Variants in DGLUCY observed in about 807,000 individuals in gnomAD.
DGLUCY encodes the protein D-glutamate cyclase, mitochondrial.
Under a neutral mutation model 58.5 loss-of-function variants are expected in DGLUCY, and 58 were observed. The ratio of observed to expected loss-of-function variants is 0.99; its 90% confidence interval spans 0.80 to 1.23. The LOEUF (loss-of-function observed/expected upper bound fraction) is 1.23, where lower values mean the gene tolerates loss of function less well. DGLUCY is among the 50% of genes most tolerant of loss of function. The probability of loss-of-function intolerance (pLI) is 0.00; values close to 1 mark genes in which losing one functional copy is unlikely to be tolerated. For synonymous variants in DGLUCY, 325 were observed against 314.1 expected (o/e 1.03, Z -0.37); for missense variants, 779 against 784.7 (o/e 0.99, Z 0.09).
At chr14:91,091,704 G>T (rs953316638) in intron 1 of DGLUCY, among the ~76,000 whole-genome samples, 6 of 152,072 alleles carry the variant, frequency 3.9e-5, no homozygotes, top group African/African-American at 7.2e-5. Context: ...GGTATAGAGG[G>T]CAAAGACGCC....
At chr14:91,128,847 G>C (rs931963858) in intron 1 of DGLUCY, 1 of 152,010 alleles carries the variant, frequency 6.6e-6, no homozygotes, top group Non-Finnish European at 1.5e-5. Context: ...AATAACCACC[G>C]AGGCCAGATG....
At chr14:91,184,097 G>A (rs1235960704) in intron 8 of DGLUCY, among the ~76,000 whole-genome samples, 1 of 152,070 alleles carries the variant, frequency 6.6e-6, no homozygotes, top group African/African-American at 2.4e-5. Flanking sequence ...TCCGTGGAGA[G>A]CTGAGGGGTG....
intron 1 of DGLUCY, among the ~76,000 whole-genome samples, chr14:91,067,957 G>T (rs1158602782): frequency 6.6e-6 from 1 of 152,118 alleles, no homozygotes; most frequent in Non-Finnish European, 1.5e-5. Flanking sequence ...ACACAGTTAG[G>T]GGGTGGTGTG....
chr14:91,215,206 T>C (rs1218246127), intron 12 of DGLUCY, among the ~76,000 whole-genome samples, 199 bp from the exon 13 acceptor site: 1 of 152,166 alleles, frequency 6.6e-6, no homozygotes, highest in Non-Finnish European at 1.5e-5. Context: ...CTTGTTCCTT[T>C]CCTCTCCTCT....
intron 1 of DGLUCY, among the ~76,000 whole-genome samples, chr14:91,136,455 G>C (rs2140229333): frequency 6.6e-6 from 1 of 152,158 alleles, no homozygotes; most frequent in African/African-American, 2.4e-5. Flanking sequence ...GGCCAAGGCA[G>C]GCAGATCACT....
chr14:91,201,690 C>G (rs2050572280), intron 11 of DGLUCY, among the ~76,000 whole-genome samples: 2 of 152,068 alleles, frequency 1.3e-5, no homozygotes, highest in African/African-American at 4.8e-5. Flanking sequence ...GCTATCTTCC[C>G]ACCTCAGCCT....
At chr14:91,199,693 T>C (rs2050434175) in intron 10 of DGLUCY, 64 bp from the exon 11 acceptor site, 1 of 1,568,840 alleles carries the variant, frequency 6.4e-7, no homozygotes, top group South Asian at 1.1e-5. Context: ...CAAGAAGGCA[T>C]GACCCAGCAA....
At position 91,181,400 on chromosome 14, in the gene DGLUCY, A is replaced by G; in HGVS notation, c.934+11A>G. ...TCGGCATAGACCCAGGTAAGAAACA[A>G]CACATTTGCTCGGCATAGACCCAGG... On this transcript the variant is annotated intron_variant, in intron 8 of 13. Transcript: ENST00000256324. 6.2e-7 allele frequency: 1 copy of G among 1,610,232 alleles called. No individual in the cohort carries two copies. Among genetic ancestry groups the G allele is most frequent in the Non-Finnish European group, 8.5e-7 (1 of 1,178,216 alleles).
intron 1 of DGLUCY, among the ~76,000 whole-genome samples, chr14:91,133,124 G>A (rs1390530600): frequency 1.3e-5 from 2 of 151,802 alleles, no homozygotes; most frequent in Admixed American, 6.6e-5. Context: ...TGAAACCCCT[G>A]TCTCTACTAA....
chr14:91,141,365 G>A (rs371054803), intron 1 of DGLUCY, among the ~76,000 whole-genome samples: 17 of 148,616 alleles, frequency 1.1e-4, no homozygotes, highest in East Asian at 7.9e-4. Context: ...AAAGCGAGAC[G>A]CCATCTAAAA....
At chr14:91,079,563 G>A (rs999480148) in intron 1 of DGLUCY, among the ~76,000 whole-genome samples, 3 of 151,762 alleles carry the variant, frequency 2.0e-5, no homozygotes, top group Admixed American at 1.3e-4. Flanking sequence ...CATATGGGCC[G>A]GGCTGGTCAC....
At chr14:91,094,870 G>A (rs1355334869) in intron 1 of DGLUCY, among the ~76,000 whole-genome samples, 1 of 151,856 alleles carries the variant, frequency 6.6e-6, no homozygotes, top group East Asian at 1.9e-4. Context: ...CTCAAGCCAT[G>A]ATCTCATGAG....
At chr14:91,151,993 C>T (rs1595772196) in intron 1 of DGLUCY, among the ~76,000 whole-genome samples, 1 of 152,148 alleles carries the variant, frequency 6.6e-6, no homozygotes, top group South Asian at 2.1e-4. Context: ...CCCGCCATTC[C>T]CCACCACGGA....
chr14:91,176,638 C>T (rs1299608403), intron 7 of DGLUCY, among the ~76,000 whole-genome samples: 3 of 152,146 alleles, frequency 2.0e-5, no homozygotes, highest in Non-Finnish European at 4.4e-5. Context: ...CTCACTCTGT[C>T]GCCCAGGCTG....
intron 7 of DGLUCY, among the ~76,000 whole-genome samples, chr14:91,177,946 G>A (rs566045303): frequency 6.6e-6 from 1 of 152,158 alleles, no homozygotes; most frequent in Non-Finnish European, 1.5e-5. Context: ...GTGGGCATGT[G>A]TGTAGACACA....
At chr14:91,068,559 C>T (rs1031084843) in intron 1 of DGLUCY, among the ~76,000 whole-genome samples, 1 of 152,130 alleles carries the variant, frequency 6.6e-6, no homozygotes, top group Non-Finnish European at 1.5e-5. Context: ...ATCCCAGCTA[C>T]TCAGGAGGCT....
upstream of DGLUCY, among the ~76,000 whole-genome samples, chr14:91,106,730 T>C (rs888601311): frequency 6.6e-6 from 1 of 151,080 alleles, no homozygotes; most frequent in African/African-American, 2.4e-5. Context: ...AACTCACTTA[T>C]GAATGTATTG....
chr14:91,223,421 C>G (rs1162076884), intron 13 of DGLUCY, among the ~76,000 whole-genome samples: 1 of 152,198 alleles, frequency 6.6e-6, no homozygotes, highest in Non-Finnish European at 1.5e-5. Flanking sequence ...GTCCCCTCCT[C>G]TCACCTCCTG....
intron 1 of DGLUCY, among the ~76,000 whole-genome samples, chr14:91,120,020 G>A (rs1268031868): frequency 2.0e-5 from 3 of 152,164 alleles, no homozygotes; most frequent in Non-Finnish European, 4.4e-5. Flanking sequence ...GAGGTTTTGG[G>A]ACTTGGATTG....
Sources: allele counts gnomAD v4.1 joint callset (sites outside exome capture counted in the v4.1 genomes callset), GRCh38; gene constraint gnomAD v4.1.1; transcripts MANE v1.5; gene names NCBI Gene and HGNC (gene_info 2026-07-23, HGNC 2026-07-21).